CENPP: variants seen among roughly 807,000 people sequenced by gnomAD.
CENPP encodes centromere protein P.
CENPP carries 24 observed loss-of-function variants against 35.6 expected under a neutral mutation model. That is an observed-to-expected ratio of 0.67 (90% CI 0.49 to 0.95). The LOEUF is 0.95. Among genes scored for constraint, CENPP ranks in the 40% least tolerant of loss-of-function variants. CENPP has a pLI of 0.00. For synonymous variants in CENPP, 120 were observed against 125.5 expected (o/e 0.96, Z 0.29); for missense variants, 332 against 345.3 (o/e 0.96, Z 0.31).
At chr9:92,333,083 G>A (rs1370803937) in intron 2 of CENPP, among the ~76,000 whole-genome samples, 1 of 152,162 alleles carries the variant, frequency 6.6e-6, no homozygotes, top group Non-Finnish European at 1.5e-5. Flanking sequence ...TTGCTGGAAG[G>A]AAGGTTTCTG....
At chr9:92,530,983 G>A (rs1266306359) in intron 5 of CENPP, among the ~76,000 whole-genome samples, 1 of 152,020 alleles carries the variant, frequency 6.6e-6, no homozygotes, top group Admixed American at 6.6e-5. Context: ...TTTGATTAAT[G>A]TCTGCAAAAT....
At chr9:92,387,053 GAAAAAAA>G (rs903436031) in intron 5 of CENPP, among the ~76,000 whole-genome samples, 56 of 50,168 alleles carry the variant, frequency 1.1e-3, no homozygotes, top group South Asian at 2.1e-3. Flanking sequence ...GTCTCAAAAA[GAAAAAAA>G]AAAAAAAAAA....
chr9:92,381,735 A>G (rs530846430), intron 5 of CENPP, among the ~76,000 whole-genome samples: 1 of 152,190 alleles, frequency 6.6e-6, no homozygotes, highest in South Asian at 2.1e-4. Context: ...TTTTAAGTGT[A>G]ATGATATACC....
intron 5 of CENPP, chr9:92,459,705 A>G: frequency 6.2e-7 from 1 of 1,613,174 alleles, no homozygotes; most frequent in South Asian, 1.1e-5. Context: ...TATTTCTCTC[A>G]CACGTGGTAT....
intron 5 of CENPP, chr9:92,502,800 TTGTC>T: frequency 3.1e-6 from 2 of 642,738 alleles, no homozygotes; most frequent in Non-Finnish European, 4.6e-6. Context: ...TATTTTTAAG[TTGTC>T]TTTTTTTTTT....
At position 92,533,328 on chromosome 9, in the gene CENPP, AATATATATAT is replaced by A. The variant is rs202147064; in HGVS notation, c.565-77965_565-77956del. On this transcript the variant is annotated intron_variant, in intron 5 of 7. Transcript: ENST00000375587. Reference sequence around the variant, plus strand: ...CAAAAAAAAAAAAAAAAAAAAAAAAAATATATATATATATATATATATATATATATGCTTT... The same window carrying A: ...CAAAAAAAAAAAAAAAAAAAAAAAAAATATATATATATATATATATGCTTT... 7.1e-3 allele frequency among the ~76,000 whole-genome samples: 272 copies of A among 38,322 alleles called. 16 individuals carry two copies. The highest frequency in any genetic ancestry group is 0.058 in the East Asian group (78 of 1,348). 25.1% of individuals were successfully genotyped at this position (38,322 alleles called of 152,430 possible). A position where few individuals can be genotyped will look rare whatever the true frequency, so the allele number is the denominator to read the frequency against.
intron 5 of CENPP, chr9:92,495,445 C>T (rs1295773017): frequency 1.0e-6 from 1 of 984,956 alleles, no homozygotes; most frequent in Non-Finnish European, 1.2e-6. Context: ...ATGCTATGAC[C>T]AGTGGTGCAA....
intron 5 of CENPP, among the ~76,000 whole-genome samples, chr9:92,606,238 T>G (rs77178567): frequency 0.052 from 7,834 of 152,074 alleles, 239 homozygotes; most frequent in South Asian, 0.11. Flanking sequence ...CTCCAGCCTG[T>G]GAGAGAGAGT....
chr9:92,480,930 A>G (rs1212190408), intron 5 of CENPP, among the ~76,000 whole-genome samples: 1 of 152,246 alleles, frequency 6.6e-6, no homozygotes, highest in East Asian at 1.9e-4. Flanking sequence ...CCATTTGTTC[A>G]TGGATACTGA....
At chr9:92,489,406 A>C (rs1050653551) in intron 5 of CENPP, among the ~76,000 whole-genome samples, 1 of 152,216 alleles carries the variant, frequency 6.6e-6, no homozygotes, top group South Asian at 2.1e-4. Context: ...TGGGTTTGCC[A>C]GTGCAGACTG....
intron 5 of CENPP, among the ~76,000 whole-genome samples, chr9:92,387,453 T>A (rs1204690984): frequency 3.3e-5 from 5 of 152,136 alleles, no homozygotes; most frequent in Non-Finnish European, 5.9e-5. Flanking sequence ...TGATGCAGGT[T>A]TTTTCCCTAA....
At chr9:92,433,502 G>A (rs1844170073) in intron 5 of CENPP, among the ~76,000 whole-genome samples, 1 of 152,024 alleles carries the variant, frequency 6.6e-6, no homozygotes, top group Admixed American at 6.6e-5. Context: ...AGGTACATTA[G>A]GCAGAAAGAT....
intron 5 of CENPP, among the ~76,000 whole-genome samples, chr9:92,610,130 A>G (rs1588317535): frequency 6.6e-6 from 1 of 152,314 alleles, no homozygotes; most frequent in Middle Eastern, 3.4e-3. Context: ...ATCTCAGCTC[A>G]CTGCAACCTC....
intron 5 of CENPP, among the ~76,000 whole-genome samples, chr9:92,426,430 C>A (rs549202179): frequency 6.6e-6 from 1 of 152,288 alleles, no homozygotes; most frequent in African/African-American, 2.4e-5. Flanking sequence ...ATTCACTGGA[C>A]ACCTACTTTG....
chr9:92,457,389 T>C (rs1305911371), intron 5 of CENPP: 1 of 1,613,754 alleles, frequency 6.2e-7, no homozygotes. Flanking sequence ...TTGAATAAAC[T>C]TATTGCACTG....
At chr9:92,453,896 G>A (rs1844793259) in intron 5 of CENPP, among the ~76,000 whole-genome samples, 1 of 151,894 alleles carries the variant, frequency 6.6e-6, no homozygotes, top group African/African-American at 2.4e-5. Flanking sequence ...GAGACAGGAA[G>A]ATCACTTAAG....
intron 5 of CENPP, chr9:92,470,744 A>T: frequency 6.3e-7 from 1 of 1,598,214 alleles, no homozygotes; most frequent in Non-Finnish European, 8.5e-7. Flanking sequence ...CAAGCATTCG[A>T]GTATCAAATG....
At position 92,484,537 on chromosome 9, in the gene CENPP, ATGAACG is replaced by A. The variant is rs1198600891; in HGVS notation, c.564+104680_564+104685del. On this transcript the variant is annotated intron_variant, in intron 5 of 7. Coordinates refer to ENST00000375587, the MANE Select transcript of CENPP (RefSeq NM_001012267.3). Reference sequence around the variant, plus strand: ...ATTAATTACCTTTTGGAGAGGTACTATGAACGTTCCTCAGTCTGTCATTTGGGGGTC... The same window carrying A: ...ATTAATTACCTTTTGGAGAGGTACTATTCCTCAGTCTGTCATTTGGGGGTC... Among the ~76,000 whole-genome samples, 18 of 152,338 alleles carry A rather than the reference ATGAACG, an allele frequency of 1.2e-4. No homozygotes were observed. In the East Asian group the frequency reaches 2.5e-3, roughly 21 times the overall value.
chr9:92,424,777 C>T (rs1320626253), intron 5 of CENPP, among the ~76,000 whole-genome samples: 3 of 152,142 alleles, frequency 2.0e-5, no homozygotes, highest in Non-Finnish European at 4.4e-5. Context: ...CGGGTTCAAG[C>T]AATTCTCCTG....
Sources: gnomAD v4.1 joint callset for allele counts (sites outside exome capture counted in the v4.1 genomes callset) on GRCh38, gnomAD v4.1.1 for gene constraint, MANE v1.5 for transcripts, NCBI Gene and HGNC (gene_info 2026-07-23, HGNC 2026-07-21) for gene names.